OR52N4: variants seen among roughly 807,000 people sequenced by gnomAD.
The protein encoded by OR52N4 is olfactory receptor 52N4.
In OR52N4, 15 loss-of-function variants were observed where a neutral mutation model predicts 15.0. The observed-to-expected ratio is 1.00, with a 90% CI of 0.67 to 1.54. The LOEUF is 1.54. OR52N4 is among the 40% of genes most tolerant of loss of function. The pLI, the probability that OR52N4 is intolerant of heterozygous loss-of-function variation, is 0.00. For synonymous variants in OR52N4, 143 were observed against 143.7 expected (o/e 1.00, Z 0.03); for missense variants, 421 against 394.0 (o/e 1.07, Z -0.58).
chr11:5,746,670 A>G, the OR52N4 span, among the ~76,000 whole-genome samples: 1 of 152,150 alleles, frequency 6.6e-6, no homozygotes, highest in Non-Finnish European at 1.5e-5. Context: ...AGATTTTGTC[A>G]TGGAGAAAAC....
In OR52N4 at chr11:5,755,539, G is replaced by C. The variant is rs763741839; in HGVS notation, c.799G>C (p.Gly267Arg). Residue 267 changes from glycine to arginine, a missense_variant, in exon 2 of 2, where the codon GGG (glycine) becomes CGG (arginine). Physicochemically the swap from Gly to Arg is moderately radical, Grantham distance 125. Transcript: ENST00000641350. ...CTTCTCCTTCTTTTCCCACCGCTTT[G>C]GGGAACACATAATCCCCCCTTCTTG... is the stretch of plus-strand genomic sequence containing the variant. ...AFFSFFSHRF[G>R]EHIIPPSCHI... 2 of 1,613,714 alleles carry C rather than the reference G, an allele frequency of 1.2e-6. No individual in the cohort carries two copies. Among genetic ancestry groups the C allele is most frequent in the African/African-American group, 2.7e-5 (2 of 74,978 alleles).
chr11:5,755,820 G>C lies in OR52N4; in HGVS notation c.*114G>C. The C allele has an allele frequency of 8.0e-7, 1 of 1,248,978 alleles. No individual in the cohort carries two copies. The highest frequency in any genetic ancestry group is 1.1e-6 in the Non-Finnish European group (1 of 916,124). 77.4% of individuals were successfully genotyped at this position (1,248,978 alleles called of 1,614,324 possible). Reference sequence around the variant, plus strand: ...CTGTATTGATCACAAAATGGAGTTTGTTAACTGGTGCATTCTCAATAAGTA... The same window carrying C: ...CTGTATTGATCACAAAATGGAGTTTCTTAACTGGTGCATTCTCAATAAGTA... On this transcript the variant is annotated 3_prime_UTR_variant, in exon 2 of 2. Coordinates refer to ENST00000641350, the MANE Select transcript of OR52N4 (RefSeq NM_001005175.5).
At chr11:5,737,697 T>C in the OR52N4 span, 1 of 451,360 alleles carries the variant, frequency 2.2e-6, no homozygotes, top group Admixed American at 3.8e-5. Context: ...TATTTGAGAA[T>C]ATGGAAGAAA....
At chr11:5,749,662 T>C (rs1027755384), upstream of OR52N4, among the ~76,000 whole-genome samples, 52 of 152,102 alleles carry the variant, frequency 3.4e-4, no homozygotes, top group Middle Eastern at 3.4e-3. Flanking sequence ...ATAGGACTTT[T>C]GTTTCATGTG....
the OR52N4 span, among the ~76,000 whole-genome samples, chr11:5,732,185 C>G: frequency 6.6e-6 from 1 of 152,092 alleles, no homozygotes; most frequent in Non-Finnish European, 1.5e-5. Flanking sequence ...ATCTCCGCAT[C>G]CCCCAGTTCC....
At chr11:5,728,232 A>G in the OR52N4 span, among the ~76,000 whole-genome samples, 2 of 151,882 alleles carry the variant, frequency 1.3e-5, no homozygotes, top group African/African-American at 4.8e-5. Flanking sequence ...AGGACCTTTC[A>G]GAAGTCATTG....
At chr11:5,750,517 A>T (rs1854167409), upstream of OR52N4, among the ~76,000 whole-genome samples, 1 of 151,996 alleles carries the variant, frequency 6.6e-6, no homozygotes. Context: ...AGTGAGATGG[A>T]GAAAAGAATC....
chr11:5,742,086 C>T, the OR52N4 span, among the ~76,000 whole-genome samples: 1 of 149,310 alleles, frequency 6.7e-6, no homozygotes, highest in Non-Finnish European at 1.5e-5. Context: ...TTTAAATTAA[C>T]CTAGAAGAAA....
the OR52N4 span, among the ~76,000 whole-genome samples, chr11:5,728,895 T>C: frequency 6.6e-6 from 1 of 151,956 alleles, no homozygotes; most frequent in Non-Finnish European, 1.5e-5. Flanking sequence ...TAACCCTCAA[T>C]TTTTTTTATT....
upstream of OR52N4, among the ~76,000 whole-genome samples, chr11:5,752,057 T>A (rs1854203259): frequency 1.3e-5 from 2 of 152,000 alleles, no homozygotes; most frequent in Non-Finnish European, 2.9e-5. Flanking sequence ...GCTGAGAATG[T>A]CAGTGCGATA....
chr11:5,744,252 A>T, the OR52N4 span, among the ~76,000 whole-genome samples: 1 of 152,210 alleles, frequency 6.6e-6, no homozygotes, highest in African/African-American at 2.4e-5. Flanking sequence ...GACCAGAGGC[A>T]TTCACAATCA....
upstream of OR52N4, among the ~76,000 whole-genome samples, chr11:5,752,432 A>C (rs551096187): frequency 6.6e-6 from 1 of 152,270 alleles, no homozygotes; most frequent in Admixed American, 6.5e-5. Context: ...TATTTTATTA[A>C]TGGAGGTTAG....
At chr11:5,741,807 G>T in the OR52N4 span, among the ~76,000 whole-genome samples, 2 of 152,030 alleles carry the variant, frequency 1.3e-5, no homozygotes, top group Non-Finnish European at 2.9e-5. Flanking sequence ...AACCAGCAAG[G>T]GTAAACTAGC....
chr11:5,750,169 A>G (rs1399834025), upstream of OR52N4, among the ~76,000 whole-genome samples: 2 of 151,862 alleles, frequency 1.3e-5, no homozygotes, highest in East Asian at 1.9e-4. Flanking sequence ...AAATTATTCT[A>G]TTTTCGGTTT....
At chr11:5,732,985 ATAT>A in the OR52N4 span, among the ~76,000 whole-genome samples, 2,309 of 152,254 alleles carry the variant, frequency 0.015, 61 homozygotes, top group African/African-American at 0.052. Flanking sequence ...GGGGTCATAA[ATAT>A]TATAAAATTT....
the OR52N4 span, chr11:5,737,241 C>T: frequency 6.2e-7 from 1 of 1,614,142 alleles, no homozygotes. Flanking sequence ...TCAGCTGAAG[C>T]TGCAGCCAAG....
the OR52N4 span, among the ~76,000 whole-genome samples, chr11:5,733,037 A>G: frequency 6.6e-6 from 1 of 152,120 alleles, no homozygotes; most frequent in Non-Finnish European, 1.5e-5. Flanking sequence ...ATTTCTCTAT[A>G]TCTTCATAGC....
intron 1 of OR52N4, among the ~76,000 whole-genome samples, 187 bp downstream of exon 1, chr11:5,754,492 T>TA (rs751355821): frequency 6.6e-6 from 1 of 152,098 alleles, no homozygotes; most frequent in Non-Finnish European, 1.5e-5. Flanking sequence ...GTTGAAAACT[T>TA]AGACTGCTCA....
At chr11:5,749,753 A>G (rs1203315961), upstream of OR52N4, among the ~76,000 whole-genome samples, 1 of 151,944 alleles carries the variant, frequency 6.6e-6, no homozygotes, top group African/African-American at 2.4e-5. Flanking sequence ...GAGATGGTTG[A>G]ACGAAAACAA....
Sources: gnomAD v4.1 joint callset for allele counts (sites outside exome capture counted in the v4.1 genomes callset) on GRCh38, gnomAD v4.1.1 for gene constraint, MANE v1.5 for transcripts, NCBI Gene and HGNC (gene_info 2026-07-23, HGNC 2026-07-21) for gene names.